Variants in TUSC3 observed in about 807,000 individuals in gnomAD.
TUSC3 encodes tumor suppressor candidate 3, also known as dolichyl-diphosphooligosaccharide--protein glycosyltransferase subunit TUSC3.
Under a neutral mutation model 44.8 loss-of-function variants are expected in TUSC3, and 45 were observed. The observed-to-expected ratio is 1.00, with a 90% confidence interval of 0.79 to 1.29. TUSC3 has a LOEUF of 1.29. Ranked by LOEUF, TUSC3 falls within the 50% of genes most tolerant of loss-of-function variation. TUSC3 has a pLI of 0.00. For missense variants in TUSC3, 519 were observed against 437.9 expected, an observed-to-expected ratio of 1.19 and a Z score of -1.65; for synonymous variants, 212 against 152.9, an observed-to-expected ratio of 1.39 and a Z score of -2.85.
At chr8:15,428,891 T>C (rs1478868400) in intron 1 of TUSC3, among the ~76,000 whole-genome samples, 1 of 152,188 alleles carries the variant, frequency 6.6e-6, no homozygotes, top group Non-Finnish European at 1.5e-5. Context: ...GATGAGTAGG[T>C]TGCAAAAAAT....
chr8:15,697,593 C>T (rs1389111748), intron 6 of TUSC3, among the ~76,000 whole-genome samples: 2 of 152,092 alleles, frequency 1.3e-5, no homozygotes, highest in Non-Finnish European at 2.9e-5. Flanking sequence ...CTTTATAATC[C>T]TCTCTATAAG....
intron 2 of TUSC3, among the ~76,000 whole-genome samples, chr8:15,647,380 T>C (rs1000076568): frequency 6.6e-6 from 1 of 152,204 alleles, no homozygotes; most frequent in African/African-American, 2.4e-5. Flanking sequence ...GAACCTTGTC[T>C]CTTATGTTCA....
intron 1 of TUSC3, among the ~76,000 whole-genome samples, chr8:15,430,579 T>G (rs920368247): frequency 6.6e-6 from 1 of 151,380 alleles, no homozygotes. Flanking sequence ...AAGACAGGGA[T>G]GCCCTCTCTC....
At chr8:15,633,381 T>A (rs9650388) in intron 2 of TUSC3, among the ~76,000 whole-genome samples, 52,638 of 151,954 alleles carry the variant, frequency 0.35, 9,307 homozygotes, top group Non-Finnish European at 0.37. Flanking sequence ...CGGTGAAAGT[T>A]AGTGATAAAT....
chr8:15,835,898 T>G, the TUSC3 span, among the ~76,000 whole-genome samples: 2 of 148,898 alleles, frequency 1.3e-5, no homozygotes, highest in Non-Finnish European at 2.9e-5. Context: ...TGCATATTTC[T>G]TCTTCTTACA....
chr8:15,751,039 G>C (rs1190095863), intron 9 of TUSC3, among the ~76,000 whole-genome samples: 2 of 152,084 alleles, frequency 1.3e-5, no homozygotes, highest in Non-Finnish European at 2.9e-5. Flanking sequence ...AGAAATGGCA[G>C]GCAGGCCTCT....
At chr8:15,743,450 ACC>A in intron 7 of TUSC3, 86 bp from the exon 8 acceptor site, 1 of 1,317,572 alleles carries the variant, frequency 7.6e-7, no homozygotes, top group East Asian at 2.3e-5. Context: ...TTGTAGTTTA[ACC>A]ATTCTGGAAC....
chr8:15,685,252 C>G (rs902140324), intron 6 of TUSC3, among the ~76,000 whole-genome samples: 6 of 152,008 alleles, frequency 3.9e-5, no homozygotes, highest in African/African-American at 1.5e-4. Flanking sequence ...AGTGTGCTGC[C>G]GAAATTCCTT....
chr8:15,788,245 C>T, the TUSC3 span, among the ~76,000 whole-genome samples: 21 of 150,826 alleles, frequency 1.4e-4, no homozygotes, highest in East Asian at 4.1e-3. Flanking sequence ...TTCTTCCATT[C>T]TTGTGGGGGA....
chr8:15,474,420 A>C (rs1278560864), intron 1 of TUSC3, among the ~76,000 whole-genome samples: 2 of 152,170 alleles, frequency 1.3e-5, no homozygotes, highest in Non-Finnish European at 2.9e-5. Context: ...TTATTTGGAA[A>C]CTGGTGAATG....
At chr8:15,777,690 G>A in the TUSC3 span, among the ~76,000 whole-genome samples, 1 of 152,074 alleles carries the variant, frequency 6.6e-6, no homozygotes, top group Non-Finnish European at 1.5e-5. Context: ...CTTTATAAAT[G>A]TCTAAGACAC....
At chr8:15,538,014 A>T (rs1286243182), upstream of TUSC3, among the ~76,000 whole-genome samples, 1 of 152,156 alleles carries the variant, frequency 6.6e-6, no homozygotes, top group Non-Finnish European at 1.5e-5. Context: ...TGGAGCTCTT[A>T]TGTACGCACA....
intron 2 of TUSC3, among the ~76,000 whole-genome samples, chr8:15,648,600 C>A (rs913442584): frequency 1.3e-5 from 2 of 151,642 alleles, no homozygotes; most frequent in Admixed American, 6.6e-5. Flanking sequence ...GTGGCACACG[C>A]CTGTAGTCCC....
chr8:15,546,741 G>T (rs1287782302), intron 1 of TUSC3, among the ~76,000 whole-genome samples: 1 of 151,484 alleles, frequency 6.6e-6, no homozygotes, highest in African/African-American at 2.4e-5. Flanking sequence ...CTCCATGTTG[G>T]TCAGGCTGGT....
At chr8:15,828,642 C>T in the TUSC3 span, among the ~76,000 whole-genome samples, 1 of 152,136 alleles carries the variant, frequency 6.6e-6, no homozygotes, top group African/African-American at 2.4e-5. Context: ...TGTTAGCAAA[C>T]AGGAAATGAT....
At chr8:15,528,746 A>T (rs993866995) in intron 2 of TUSC3, among the ~76,000 whole-genome samples, 5 of 152,126 alleles carry the variant, frequency 3.3e-5, no homozygotes, top group African/African-American at 9.7e-5. Context: ...ATTGCTACAG[A>T]TTGCCTGAAT....
the TUSC3 span, among the ~76,000 whole-genome samples, chr8:15,772,916 G>T: frequency 3.5e-5 from 5 of 142,770 alleles, no homozygotes; most frequent in African/African-American, 1.3e-4. Flanking sequence ...TAATGATGTA[G>T]TTGATGCAGA....
At chr8:15,767,181 G>A (rs1812356624), downstream of TUSC3, among the ~76,000 whole-genome samples, 1 of 151,992 alleles carries the variant, frequency 6.6e-6, no homozygotes, top group Non-Finnish European at 1.5e-5. Flanking sequence ...TAATTCACGA[G>A]CATCTGCCAT....
intron 1 of TUSC3, among the ~76,000 whole-genome samples, chr8:15,559,296 C>G (rs1025623668): frequency 2.5e-4 from 36 of 143,878 alleles, no homozygotes; most frequent in Non-Finnish European, 4.8e-4. Context: ...GTTCAGTTTC[C>G]ATGTAGTTGA....
Sources: gnomAD v4.1 joint callset for allele counts (sites outside exome capture counted in the v4.1 genomes callset) on GRCh38, gnomAD v4.1.1 for gene constraint, MANE v1.5 for transcripts, NCBI Gene and HGNC (gene_info 2026-07-23, HGNC 2026-07-21) for gene names.